Variants in ZNF525 observed in about 807,000 individuals in gnomAD.
ZNF525 encodes zinc finger protein 525.
ZNF525 carries 33 observed loss-of-function variants against 37.6 expected under a neutral mutation model. The ratio of observed to expected loss-of-function variants is 0.88; its 90% CI spans 0.67 to 1.17. ZNF525 has a LOEUF of 1.17. Ranked by LOEUF, ZNF525 falls within the 50% of genes most tolerant of loss-of-function variation. The pLI is 0.00. For missense variants in ZNF525, 449 were observed against 543.1 expected, an observed-to-expected ratio of 0.83 and a Z score of 1.72; for synonymous variants, 170 against 182.3, an observed-to-expected ratio of 0.93 and a Z score of 0.54.
intron 1 of ZNF525, among the ~76,000 whole-genome samples, chr19:53,367,975 T>G (rs2085460028): frequency 1.3e-5 from 2 of 152,230 alleles, no homozygotes; most frequent in Non-Finnish European, 2.9e-5. Flanking sequence ...ACAGAATTAG[T>G]CTTTCAGGGG....
chr19:53,375,850 A>G lies in ZNF525; in HGVS notation c.96A>G (p.Leu32=). ...WKCLDPAQRT[L]YRDVMLENYR... is the part of the protein sequence containing the mutation. ...GCCTGGACCCTGCTCAGAGGACTCT[A>G]TACAGGGACGTGATGCTGGAGAATT... The change falls in exon 3 of 4, where the codon CTA becomes CTG. Residue 32 remains leucine, a synonymous_variant. Transcript: ENST00000474037. The G allele has an allele frequency of 6.8e-6, 11 of 1,613,936 alleles. No homozygotes were observed. Among genetic ancestry groups the G allele is most frequent in the African/African-American group, 5.3e-5 (4 of 74,992 alleles).
intron 1 of ZNF525, among the ~76,000 whole-genome samples, chr19:53,367,820 C>T (rs1049811341): frequency 2.0e-5 from 3 of 151,638 alleles, no homozygotes; most frequent in African/African-American, 7.2e-5. Context: ...TGGTAGATGG[C>T]ATTTCTCATT....
At chr19:53,377,120 A>G (rs1028088467) in intron 3 of ZNF525, among the ~76,000 whole-genome samples, 1 of 152,228 alleles carries the variant, frequency 6.6e-6, no homozygotes, top group Non-Finnish European at 1.5e-5. Flanking sequence ...TAGGAAAAAA[A>G]GTTGAATTAT....
In ZNF525 at chr19:53,381,233, T is replaced by C. The variant is rs1176081758; in HGVS notation, c.654T>C (p.Ile218=). The stretch of plus-strand genomic sequence containing the variant: ...TGAGAGAAAAATCTTTCCAATGTAT[T>C]GAGAGTGGCAAAGCCTTTAATTATA... The part of the protein sequence containing the change: ...VRMREKSFQC[I]ESGKAFNYSS... Residue 218 remains isoleucine, a synonymous_variant, in exon 4 of 4, where the codon ATT becomes ATC. Coordinates refer to ENST00000474037, the MANE Select transcript of ZNF525 (RefSeq NM_001348156.2). 3.0e-6 allele frequency: 4 copies of C among 1,353,516 alleles called. No homozygotes were observed. Among genetic ancestry groups the C allele is most frequent in the Admixed American group, 1.7e-5 (1 of 59,714 alleles). 83.8% of individuals were successfully genotyped at this position (1,353,516 alleles called of 1,614,324 possible). A position where few individuals can be genotyped will look rare whatever the true frequency, so the allele number is the denominator to read the frequency against.
Position 53,382,339 on chromosome 19 carries a change from C to T in ZNF525, c.*320C>T, listed in dbSNP as rs1297376834. ...TACAAATGTGAAGAATGTGATGAAA[C>T]TTTCAGATACAAATCAAATCTTGAA... On this transcript the variant is annotated 3_prime_UTR_variant, in exon 4 of 4. Transcript: ENST00000474037. The T allele has an allele frequency of 4.7e-6, 6 of 1,283,528 alleles. No individual in the cohort carries two copies. The highest frequency in any genetic ancestry group is 6.8e-6 in the Non-Finnish European group (6 of 881,784). The allele number at this position is 1,283,528 out of a possible 1,614,324, so 79.5% of individuals were successfully genotyped here.
Position 53,386,011 on chromosome 19 carries a change from C to T in ZNF525, c.*3992C>T. On this transcript the variant is annotated 3_prime_UTR_variant, in exon 4 of 4. Transcript: ENST00000474037. ...TCTCTAGTAAAAATACAAAAATTAG[C>T]TCAGCATGGTGGCATGCGCCTGTAA... The T allele has an allele frequency of 4.1e-6, 1 of 243,696 alleles. No homozygotes were observed. The highest frequency in any genetic ancestry group is 8.2e-6 in the Non-Finnish European group (1 of 122,248). 15.1% of individuals were successfully genotyped at this position (243,696 alleles called of 1,614,324 possible).
chr19:53,381,482 T>C lies in ZNF525; in HGVS notation c.903T>C (p.Cys301=). The change falls in exon 4 of 4, where the codon TGT becomes TGC. Residue 301 remains cysteine, a synonymous_variant. Coordinates refer to ENST00000474037, the MANE Select transcript of ZNF525 (RefSeq NM_001348156.2). ...RLHTGEKPYK[C]EECDKAFRHN... The stretch of plus-strand genomic sequence containing the variant: ...ATACTGGAGAGAAACCTTACAAATG[T>C]GAAGAATGTGACAAAGCTTTCAGAC... The C allele has an allele frequency of 7.2e-7, 1 of 1,394,986 alleles. No homozygotes were observed. The highest frequency in any genetic ancestry group is 1.2e-5 in the South Asian group (1 of 86,508). 86.4% of individuals were successfully genotyped at this position (1,394,986 alleles called of 1,614,324 possible).
Position 53,383,371 on chromosome 19 carries a change from A to G in ZNF525, c.*1352A>G. ...CAACAAGCACACGTTGCACGTCATC[A>G]TAGAATTCATACTGGAGAGAAACCT... On this transcript the variant is annotated 3_prime_UTR_variant, in exon 4 of 4. Coordinates refer to ENST00000474037, the MANE Select transcript of ZNF525 (RefSeq NM_001348156.2). 8.5e-7 allele frequency: 1 copy of G among 1,175,704 alleles called. No individual in the cohort carries two copies. The highest frequency in any genetic ancestry group is 1.2e-6 in the Non-Finnish European group (1 of 820,664). 72.8% of individuals were successfully genotyped at this position (1,175,704 alleles called of 1,614,324 possible).
In ZNF525 at chr19:53,384,296, C is replaced by A; in HGVS notation, c.*2277C>A. The A allele has an allele frequency of 5.5e-6, 1 of 183,446 alleles. No homozygotes were observed. The highest frequency in any genetic ancestry group is 1.1e-4 in the South Asian group (1 of 8,866). 11.4% of individuals were successfully genotyped at this position (183,446 alleles called of 1,614,324 possible). ...GTCAGGAGTTTGAGATCAGCCTGGA[C>A]AACAGACCTGAGCCACTTTTCCCAG... On this transcript the variant is annotated 3_prime_UTR_variant, in exon 4 of 4. Transcript: ENST00000474037.
In ZNF525 at chr19:53,381,364, G is replaced by A. The variant is rs769776551; in HGVS notation, c.785G>A (p.Arg262His). 39 of 1,595,732 alleles carry A rather than the reference G, an allele frequency of 2.4e-5. No homozygotes were observed. The highest frequency in any genetic ancestry group is 2.1e-4 in the South Asian group (19 of 90,704). ...FIRKRYLARHRRCHTGEKPYK... is the reference protein window; with the variant it reads ...FIRKRYLARHHRCHTGEKPYK... Reference sequence around the variant, plus strand: ...CGGAAGCGATACCTTGCACGCCATCGTAGATGTCACACTGGTGAGAAACCT... The same window carrying A: ...CGGAAGCGATACCTTGCACGCCATCATAGATGTCACACTGGTGAGAAACCT... The change falls in exon 4 of 4, where the codon CGT becomes CAT. Residue 262 changes from arginine to histidine, a missense_variant. Physicochemically the swap from Arg to His is conservative, Grantham distance 29. Around this residue, in one of 2 missense-constraint regions of ZNF525, gnomAD observed 271 missense variants for 381.6 expected, o/e 0.71. Transcript: ENST00000474037.
chr19:53,382,767 G>A lies in ZNF525; in HGVS notation c.*748G>A, dbSNP rs118011125. The stretch of plus-strand genomic sequence containing the variant: ...AAATGTGACAAATTTTTCAGACATC[G>A]TTCATACCTTGCAGTTCACGGGCGA... On this transcript the variant is annotated 3_prime_UTR_variant, in exon 4 of 4. Coordinates refer to ENST00000474037, the MANE Select transcript of ZNF525 (RefSeq NM_001348156.2). 7,179 of 954,952 alleles carry A rather than the reference G, an allele frequency of 7.5e-3. 36 individuals carry two copies. The highest frequency in any genetic ancestry group is 0.01 in the Non-Finnish European group (6,054 of 604,580). The allele number at this position is 954,952 out of a possible 1,614,324, so 59.2% of individuals were successfully genotyped here.
In ZNF525 at chr19:53,383,175, CCTA is replaced by C. The variant is rs1397764365; in HGVS notation, c.*1159_*1161del. The C allele has an allele frequency of 7.4e-6, 10 of 1,344,250 alleles. No individual in the cohort carries two copies. Among genetic ancestry groups the C allele is most frequent in the African/African-American group, 4.4e-5 (3 of 68,280 alleles). 83.3% of individuals were successfully genotyped at this position (1,344,250 alleles called of 1,614,324 possible). On this transcript the variant is annotated 3_prime_UTR_variant, in exon 4 of 4. Transcript: ENST00000474037. ...TACAAGTGTAATGAGTGTGGCAAGA[CCTA>C]CTCTCACAATTCAGTCCTTGTAATT...
rs1181203650 is a variant in ZNF525, at chr19:53,383,286, T to C, written c.*1267T>C. On this transcript the variant is annotated 3_prime_UTR_variant, in exon 4 of 4. Coordinates refer to ENST00000474037, the MANE Select transcript of ZNF525 (RefSeq NM_001348156.2). ...TTCCATCACAATTCAGTCCTTGTAA[T>C]TCATAAAACAATTCATACTGGAGAG... 28 of 1,415,982 alleles carry C rather than the reference T, an allele frequency of 2.0e-5. No individual in the cohort carries two copies. Among genetic ancestry groups the C allele is most frequent in the Non-Finnish European group, 2.6e-5 (27 of 1,040,398 alleles). The allele number at this position is 1,415,982 out of a possible 1,614,324, so 87.7% of individuals were successfully genotyped here.
In ZNF525 at chr19:53,384,479, A is replaced by G. The variant is rs1044898699; in HGVS notation, c.*2460A>G. ...TATATGTTTTTAATCATTTTGATCA[A>G]TTTTTGTTGATTTCAAGGTACAAAC... On this transcript the variant is annotated 3_prime_UTR_variant, in exon 4 of 4. Coordinates refer to ENST00000474037, the MANE Select transcript of ZNF525 (RefSeq NM_001348156.2). The G allele has an allele frequency of 1.9e-5, 3 of 155,508 alleles. No individual in the cohort carries two copies. The highest frequency in any genetic ancestry group is 7.2e-5 in the African/African-American group (3 of 41,438). 9.6% of individuals were successfully genotyped at this position (155,508 alleles called of 1,614,324 possible).
At chr19:53,376,562 C>T (rs1248510130) in intron 3 of ZNF525, 1 of 527,410 alleles carries the variant, frequency 1.9e-6, no homozygotes, top group Non-Finnish European at 3.3e-6. Context: ...CGCTTTGACT[C>T]CTTTCTTCTT....
intron 1 of ZNF525, among the ~76,000 whole-genome samples, chr19:53,370,556 C>G (rs761478574): frequency 1.3e-5 from 2 of 152,088 alleles, no homozygotes; most frequent in African/African-American, 4.8e-5. Context: ...AAAAGCTCAA[C>G]CCGAGTGACC....
rs2085593982 is a variant in ZNF525 at position 53,384,864 on chromosome 19, C to T, written c.*2845C>T. The T allele has an allele frequency of 7.4e-6, 5 of 674,690 alleles. No homozygotes were observed. Among genetic ancestry groups the T allele is most frequent in the East Asian group, 2.7e-5 (1 of 36,512 alleles). The allele number at this position is 674,690 out of a possible 1,614,324, so 41.8% of individuals were successfully genotyped here. ...AGAGCATTCTTGCATCATGTGAGAT[C>T]GTACAGGAAAGCATTCCATTTTCCC... On this transcript the variant is annotated 3_prime_UTR_variant, in exon 4 of 4. Transcript: ENST00000474037.
rs1427688939 is a variant in ZNF525 at position 53,381,176 on chromosome 19, T to C, written c.597T>C (p.Tyr199=). 7.3e-7 allele frequency: 1 copy of C among 1,362,536 alleles called. No homozygotes were observed. The highest frequency in any genetic ancestry group is 1.1e-6 in the Non-Finnish European group (1 of 950,770). The allele number at this position is 1,362,536 out of a possible 1,614,324, so 84.4% of individuals were successfully genotyped here. The part of the protein sequence containing the change: ...SNNYGDNFLN[Y]SLLTQRQEVR... Reference sequence around the variant, plus strand: ...ACTATGGGGATAATTTTCTGAATTATTCATTACTCACACAAAGACAGGAAG... The same window carrying C: ...ACTATGGGGATAATTTTCTGAATTACTCATTACTCACACAAAGACAGGAAG... Residue 199 remains tyrosine (Y), a synonymous_variant, in exon 4 of 4, where the codon TAT becomes TAC. Transcript: ENST00000474037.
intron 1 of ZNF525, among the ~76,000 whole-genome samples, chr19:53,368,650 G>A (rs1334981827): frequency 6.6e-6 from 1 of 152,156 alleles, no homozygotes; most frequent in African/African-American, 2.4e-5. Context: ...AAAGGAGGAG[G>A]CTCTGGTAAC....
Sources: allele counts gnomAD v4.1 joint callset (sites outside exome capture counted in the v4.1 genomes callset), GRCh38; gene constraint gnomAD v4.1.1; regional missense constraint gnomAD v4.1.1; transcripts MANE v1.5; gene names NCBI Gene and HGNC (gene_info 2026-07-23, HGNC 2026-07-21).